Variants in DOCK4 observed in about 807,000 individuals in gnomAD.
DOCK4 encodes the protein dedicator of cytokinesis protein 4.
A neutral mutation model predicts 268.1 loss-of-function variants in DOCK4; 97 were observed. The ratio of observed to expected loss-of-function variants is 0.36; its 90% confidence interval spans 0.31 to 0.43. DOCK4 has a LOEUF of 0.43. Among genes scored for constraint, DOCK4 ranks in the 20% least tolerant of loss-of-function variants. DOCK4 has a pLI of 1.00. For synonymous variants in DOCK4, 954 were observed against 887.2 expected (o/e 1.08, Z -1.34); for missense variants, 2,145 against 2,455.7 (o/e 0.87, Z 2.67).
intron 1 of DOCK4, among the ~76,000 whole-genome samples, chr7:112,077,089 C>T (rs1017131660): frequency 2.6e-5 from 4 of 151,956 alleles, no homozygotes; most frequent in African/African-American, 9.7e-5. Context: ...AGTAACTGAA[C>T]GACAACTGAT....
chr7:112,156,508 T>C (rs186021577), intron 1 of DOCK4, among the ~76,000 whole-genome samples: 1 of 152,214 alleles, frequency 6.6e-6, no homozygotes, highest in South Asian at 2.1e-4. Context: ...TGCTGTTCTC[T>C]TATCTTACCA....
intron 13 of DOCK4, among the ~76,000 whole-genome samples, chr7:111,910,278 T>C (rs1007530951): frequency 5.9e-5 from 9 of 152,208 alleles, no homozygotes; most frequent in Non-Finnish European, 8.8e-5. Flanking sequence ...TGCTCCAGAA[T>C]GTCTGATGGA....
chr7:112,109,784 G>A (rs969213411), intron 1 of DOCK4, among the ~76,000 whole-genome samples: 2 of 130,874 alleles, frequency 1.5e-5, no homozygotes, highest in Non-Finnish European at 3.0e-5. Flanking sequence ...TCGCTCTGTC[G>A]CCCAGGCTGG....
At chr7:112,127,331 G>A (rs1049057742) in intron 1 of DOCK4, among the ~76,000 whole-genome samples, 6 of 147,518 alleles carry the variant, frequency 4.1e-5, no homozygotes, top group African/African-American at 1.5e-4. Context: ...AACACCGCAT[G>A]TTCTCACTCA....
chr7:112,115,071 G>A (rs59732762), intron 1 of DOCK4, among the ~76,000 whole-genome samples: 4,845 of 152,120 alleles, frequency 0.032, 238 homozygotes, highest in African/African-American at 0.11. Context: ...CTAATATCTA[G>A]TCAAGCAGAA....
chr7:112,124,518 T>A (rs1813040544), intron 1 of DOCK4, among the ~76,000 whole-genome samples: 1 of 152,200 alleles, frequency 6.6e-6, no homozygotes, highest in South Asian at 2.1e-4. Context: ...ATACAAGTTC[T>A]TTTTCTCCTT....
At chr7:111,984,826 G>A (rs1428646178) in intron 6 of DOCK4, among the ~76,000 whole-genome samples, 1 of 152,212 alleles carries the variant, frequency 6.6e-6, no homozygotes, top group Admixed American at 6.5e-5. Context: ...AGTATACCTA[G>A]CTGTGCCCAG....
chr7:111,793,487 ATTGT>A (rs912431492), intron 30 of DOCK4, among the ~76,000 whole-genome samples: 1 of 152,214 alleles, frequency 6.6e-6, no homozygotes. Flanking sequence ...TATTCATTTA[ATTGT>A]TTGGGAAGTT....
At chr7:112,163,505 A>T in intron 1 of DOCK4, among the ~76,000 whole-genome samples, 1 of 152,184 alleles carries the variant, frequency 6.6e-6, no homozygotes, top group East Asian at 1.9e-4. Flanking sequence ...AATCATGCCA[A>T]TGTCAGCCAA....
intron 16 of DOCK4, among the ~76,000 whole-genome samples, chr7:111,878,337 A>G (rs1028422621): frequency 6.6e-5 from 10 of 152,246 alleles, no homozygotes; most frequent in African/African-American, 2.4e-4. Context: ...TGATCAGAAA[A>G]TCATTAACTG....
chr7:112,024,002 A>C (rs1464609852), intron 1 of DOCK4, among the ~76,000 whole-genome samples: 1 of 152,224 alleles, frequency 6.6e-6, no homozygotes, highest in African/African-American at 2.4e-5. Context: ...TGTCCTTCCT[A>C]AACTGCTTTG....
intron 12 of DOCK4, chr7:111,935,262 A>G (rs1794637048): frequency 4.8e-6 from 2 of 418,454 alleles, no homozygotes; most frequent in South Asian, 4.1e-5. Flanking sequence ...TTTAGTTTTC[A>G]ATAACAACTT....
In DOCK4 at chr7:112,078,353, T is replaced by C. The variant is rs200407324; in HGVS notation, c.38-74222A>G. 2.6e-5 allele frequency among the ~76,000 whole-genome samples: 4 copies of C among 152,178 alleles called. 1 individual carries two copies. Among genetic ancestry groups the C allele is most frequent in the East Asian group, 1.9e-4 (1 of 5,194 alleles). On this transcript the variant is annotated intron_variant, in intron 1 of 52. Transcript: ENST00000428084. Reference sequence around the variant, plus strand: ...ACAACTAGAGCTGTCATTTTTTATATGAAATACAAATGGTTTACAATTCCC... The same window carrying C: ...ACAACTAGAGCTGTCATTTTTTATACGAAATACAAATGGTTTACAATTCCC...
At chr7:111,903,223 T>C (rs1211992561) in intron 13 of DOCK4, among the ~76,000 whole-genome samples, 1 of 152,198 alleles carries the variant, frequency 6.6e-6, no homozygotes, top group Non-Finnish European at 1.5e-5. Context: ...TATGATGGCA[T>C]CATTTACAAA....
At chr7:111,885,024 A>C (rs896536005) in intron 16 of DOCK4, among the ~76,000 whole-genome samples, 2 of 152,200 alleles carry the variant, frequency 1.3e-5, no homozygotes, top group African/African-American at 4.8e-5. Flanking sequence ...TAGAGTATGG[A>C]CTGGAGAAAA....
intron 1 of DOCK4, among the ~76,000 whole-genome samples, chr7:112,141,886 T>C (rs997119027): frequency 2.0e-5 from 3 of 152,130 alleles, no homozygotes; most frequent in Non-Finnish European, 4.4e-5. Context: ...CAGATTGCAA[T>C]TGGGGCCAGT....
intron 8 of DOCK4, among the ~76,000 whole-genome samples, chr7:111,956,287 A>T (rs959368190): frequency 6.6e-6 from 1 of 152,214 alleles, no homozygotes; most frequent in Non-Finnish European, 1.5e-5. Flanking sequence ...TCTGAGTTGA[A>T]GCATGCAGTT....
intron 30 of DOCK4, among the ~76,000 whole-genome samples, chr7:111,802,252 G>A (rs1358156298): frequency 6.6e-6 from 1 of 152,062 alleles, no homozygotes; most frequent in Non-Finnish European, 1.5e-5. Flanking sequence ...TGAGTGGGGG[G>A]AAAGACAAAA....
chr7:112,092,552 T>C (rs567008402), intron 1 of DOCK4, among the ~76,000 whole-genome samples: 1 of 152,270 alleles, frequency 6.6e-6, no homozygotes, highest in East Asian at 1.9e-4. Context: ...TCTGGGTTCC[T>C]GCTTGACCTC....
Sources: gnomAD v4.1 joint callset for allele counts (sites outside exome capture counted in the v4.1 genomes callset) on GRCh38, gnomAD v4.1.1 for gene constraint, MANE v1.5 for transcripts, NCBI Gene and HGNC (gene_info 2026-07-23, HGNC 2026-07-21) for gene names.